The following UGT2B28 variants were observed in gnomAD, a reference collection of about 807,000 sequenced individuals.
The protein encoded by UGT2B28 is UDP-glucuronosyltransferase 2B28.
In UGT2B28, 45 loss-of-function variants were observed where a neutral mutation model predicts 43.6. That is an observed-to-expected ratio of 1.03 (90% CI 0.81 to 1.32). UGT2B28 has a LOEUF of 1.32. Among genes scored for constraint, UGT2B28 ranks in the 40% most tolerant of loss-of-function variants. UGT2B28 has a pLI of 0.00. For missense variants in UGT2B28, 649 were observed against 625.5 expected (o/e 1.04, Z -0.40); for synonymous variants, 204 against 208.1 (o/e 0.98, Z 0.17).
intron 5 of UGT2B28, among the ~76,000 whole-genome samples, chr4:69,291,038 A>T (rs1391425206): frequency 7.1e-6 from 1 of 140,780 alleles, no homozygotes. Context: ...AACAAAAATA[A>T]TTTTAAAATG....
chr4:69,289,628 C>T, intron 3 of UGT2B28, 37 bp from the exon 4 acceptor site: 1 of 1,495,502 alleles, frequency 6.7e-7, no homozygotes, highest in Non-Finnish European at 9.0e-7. Flanking sequence ...TTTTTGAGTT[C>T]CACTCATGGA....
chr4:69,288,412 T>C (rs1723842217), intron 3 of UGT2B28, among the ~76,000 whole-genome samples: 1 of 139,584 alleles, frequency 7.2e-6, no homozygotes, highest in Admixed American at 7.2e-5. Flanking sequence ...TCTCATATTA[T>C]TCAAAAACAA....
At position 69,280,988 on chromosome 4, in the gene UGT2B28, T is replaced by C; in HGVS notation, c.488T>C (p.Leu163Pro). 2 of 1,560,458 alleles carry C rather than the reference T, an allele frequency of 1.3e-6. No individual in the cohort carries two copies. Among genetic ancestry groups the C allele is most frequent in the Non-Finnish European group, 1.7e-6 (2 of 1,155,696 alleles). ...CCTTGTGGTGAGCTGCTGGCTGCGC[T>C]ACTTAACATACCGTTTGTGTACAGT... ...FFPCGELLAALLNIPFVYSLC... is the reference protein window; with the variant it reads ...FFPCGELLAAPLNIPFVYSLC... Residue 163 changes from leucine to proline, a missense_variant, in exon 1 of 6, where the codon CTA becomes CCA. Coordinates refer to ENST00000335568, the MANE Select transcript of UGT2B28 (RefSeq NM_053039.2).
chr4:69,286,654 A>T, intron 2 of UGT2B28, 98 bp from the exon 3 acceptor site: 2 of 1,424,746 alleles, frequency 1.4e-6, no homozygotes, highest in Non-Finnish European at 1.9e-6. Flanking sequence ...ATAATTCCTC[A>T]AAATACTTGA....
intron 1 of UGT2B28, 87 bp from the exon 2 acceptor site, chr4:69,282,427 T>G: frequency 7.3e-7 from 1 of 1,366,926 alleles, no homozygotes; most frequent in Middle Eastern, 2.1e-4. Context: ...CCTACATCTT[T>G]GCCTACATAA....
chr4:69,287,743 T>C (rs1359576828), intron 3 of UGT2B28, among the ~76,000 whole-genome samples: 1 of 139,876 alleles, frequency 7.1e-6, no homozygotes, highest in African/African-American at 2.8e-5. Flanking sequence ...GGTTTAGATG[T>C]CCCCTCCATA....
In UGT2B28 at chr4:69,280,916, A is replaced by C. The variant is rs1560562860; in HGVS notation, c.416A>C (p.Lys139Thr). Residue 139 changes from lysine (K) to threonine (T), a missense_variant, in exon 1 of 6, where the codon AAA becomes ACA. Physicochemically the swap from Lys to Thr is moderately conservative, Grantham distance 78 (BLOSUM62 -1). Coordinates refer to ENST00000335568, the MANE Select transcript of UGT2B28 (RefSeq NM_053039.2). ...GTTTCAAATAAGAAAGTTATGAAAA[A>C]ACTACAAGAGTCAAGATTTGACATC... ...DVVSNKKVMKKLQESRFDIIF... is the reference protein window; with the variant it reads ...DVVSNKKVMKTLQESRFDIIF... 1 of 1,559,052 alleles carries C rather than the reference A, an allele frequency of 6.4e-7. No homozygotes were observed. Among genetic ancestry groups the C allele is most frequent in the Non-Finnish European group, 8.7e-7 (1 of 1,155,544 alleles).
At chr4:69,289,856 A>T in intron 4 of UGT2B28, 104 bp downstream of exon 4, 1 of 1,221,086 alleles carries the variant, frequency 8.2e-7, no homozygotes. Flanking sequence ...ATAGGAAAAC[A>T]AAAAGAACTT....
In UGT2B28 at chr4:69,284,083, T is replaced by A. The variant is rs1163769281; in HGVS notation, c.870+1421T>A. Among the ~76,000 whole-genome samples the A allele has an allele frequency of 5.7e-5, 8 of 140,306 alleles. 1 individual carries two copies. Among genetic ancestry groups the A allele is most frequent in the Non-Finnish European group, 1.1e-4 (7 of 65,614 alleles). The allele number at this position is 140,306 out of a possible 152,430, so 92.0% of individuals were successfully genotyped here. On this transcript the variant is annotated intron_variant, in intron 2 of 5. Transcript: ENST00000335568. ...TACATTTTAGATCATAAACATACCC[T>A]ATTAGAGCAGACGATGTCTGCCATA... is the stretch of plus-strand genomic sequence containing the variant.
At chr4:69,288,719 T>G (rs1239464024) in intron 3 of UGT2B28, among the ~76,000 whole-genome samples, 2 of 139,318 alleles carry the variant, frequency 1.4e-5, no homozygotes, top group Non-Finnish European at 3.1e-5. Context: ...TCGTTTATTA[T>G]TTTTCCTGAT....
intron 2 of UGT2B28, among the ~76,000 whole-genome samples, chr4:69,283,699 T>C (rs1173826099): frequency 7.1e-6 from 1 of 140,990 alleles, no homozygotes; most frequent in Admixed American, 7.1e-5. Context: ...ATTATGGTTA[T>C]TTTGTTATTA....
Position 69,294,689 on chromosome 4 carries a change from T to C in UGT2B28, c.1470T>C (p.Ser490=), listed in dbSNP as rs1237530518. The change falls in exon 6 of 6, where the codon TCT becomes TCC. Residue 490 remains serine (S), a synonymous_variant. Coordinates refer to ENST00000335568, the MANE Select transcript of UGT2B28 (RefSeq NM_053039.2). The part of the protein sequence containing the change: ...ARDLTWFQYH[S]LDVIGFLLAC... ...ACCTCACCTGGTTCCAGTACCACTC[T>C]TTGGATGTGATTGGGTTTCTGCTGG... is the stretch of plus-strand genomic sequence containing the variant. 7 of 1,560,092 alleles carry C rather than the reference T, an allele frequency of 4.5e-6. No homozygotes were observed. The highest frequency in any genetic ancestry group is 6.1e-6 in the Non-Finnish European group (7 of 1,155,480).
At position 69,285,985 on chromosome 4, in the gene UGT2B28, C is replaced by T. The variant is rs375844825; in HGVS notation, c.871-767C>T. On this transcript the variant is annotated intron_variant, in intron 2 of 5. Transcript: ENST00000335568. ...CAGTGGGATTTCAGGGCAATAGGTG[C>T]TCCACCTAAACAATAACCTGAAAGG... Among the ~76,000 whole-genome samples, 56 of 140,704 alleles carry T rather than the reference C, an allele frequency of 4.0e-4. 11 individuals are homozygous for T. The highest frequency in any genetic ancestry group is 1.3e-3 in the African/African-American group (46 of 36,002). 92.3% of individuals were successfully genotyped at this position (140,704 alleles called of 152,430 possible). A position where few individuals can be genotyped will look rare whatever the true frequency, so the allele number is the denominator to read the frequency against.
Position 69,288,125 on chromosome 4 carries a change from T to C in UGT2B28, c.1002+1242T>C, listed in dbSNP as rs114009847. On this transcript the variant is annotated intron_variant, in intron 3 of 5. Transcript: ENST00000335568. Reference sequence around the variant, plus strand: ...TCAACAGCTTTATTTTTATTCATGATTCCAACAGGCTCCTCATTTCTAGGC... The same window carrying C: ...TCAACAGCTTTATTTTTATTCATGACTCCAACAGGCTCCTCATTTCTAGGC... Among the ~76,000 whole-genome samples, 58 of 123,244 alleles carry C rather than the reference T, an allele frequency of 4.7e-4. 10 individuals are homozygous for C. Among genetic ancestry groups the C allele is most frequent in the African/African-American group, 1.8e-3 (56 of 30,280 alleles). The allele number at this position is 123,244 out of a possible 152,430, so 80.9% of individuals were successfully genotyped here. A position where few individuals can be genotyped will look rare whatever the true frequency, so the allele number is the denominator to read the frequency against.
intron 5 of UGT2B28, among the ~76,000 whole-genome samples, chr4:69,291,942 T>C (rs1207276645): frequency 7.1e-6 from 1 of 140,436 alleles, no homozygotes; most frequent in East Asian, 2.0e-4. Context: ...CATCCTGGTC[T>C]TGGATTGCAT....
intron 2 of UGT2B28, among the ~76,000 whole-genome samples, chr4:69,284,194 T>C (rs1339304349): frequency 7.1e-6 from 1 of 140,070 alleles, no homozygotes; most frequent in Non-Finnish European, 1.5e-5. Context: ...TAGTGAACAA[T>C]GCATGTATAA....
rs1017313649 is a variant in UGT2B28, at chr4:69,284,409, T to C, written c.870+1747T>C. Among the ~76,000 whole-genome samples the C allele has an allele frequency of 2.1e-5, 3 of 140,742 alleles. 1 individual carries two copies. Among genetic ancestry groups the C allele is most frequent in the Non-Finnish European group, 4.6e-5 (3 of 65,766 alleles). 92.3% of individuals were successfully genotyped at this position (140,742 alleles called of 152,430 possible). The stretch of plus-strand genomic sequence containing the variant: ...ATTACTCAACCTCTTAAAAGAACAT[T>C]TTTGCTTACATAAAACTGATATTTT... On this transcript the variant is annotated intron_variant, in intron 2 of 5. Coordinates refer to ENST00000335568, the MANE Select transcript of UGT2B28 (RefSeq NM_053039.2).
chr4:69,288,253 G>C (rs752378816), intron 3 of UGT2B28, among the ~76,000 whole-genome samples: 1 of 138,604 alleles, frequency 7.2e-6, no homozygotes, highest in African/African-American at 2.8e-5. Flanking sequence ...TTGAAAATTT[G>C]TAATTCCAAT....
chr4:69,289,414 T>A (rs1341851243), intron 3 of UGT2B28, among the ~76,000 whole-genome samples: 1 of 140,750 alleles, frequency 7.1e-6, no homozygotes, highest in Non-Finnish European at 1.5e-5. Context: ...GTAACAATTT[T>A]TTGAATATTT....
Sources: gnomAD v4.1 joint callset for allele counts (sites outside exome capture counted in the v4.1 genomes callset) on GRCh38, gnomAD v4.1.1 for gene constraint, MANE v1.5 for transcripts, NCBI Gene and HGNC (gene_info 2026-07-23, HGNC 2026-07-21) for gene names.